The following TTC8 variants were observed in gnomAD, a reference collection of about 807,000 sequenced individuals.
TTC8 encodes the protein tetratricopeptide repeat domain 8.
A neutral mutation model predicts 72.5 loss-of-function variants in TTC8; 47 were observed. The ratio of observed to expected loss-of-function variants is 0.65; its 90% CI spans 0.51 to 0.83. The LOEUF is 0.83. Among genes scored for constraint, TTC8 ranks in the 40% least tolerant of loss-of-function variants. TTC8 has a pLI of 0.00. For missense variants in TTC8, 611 were observed against 623.2 expected (o/e 0.98, Z 0.21); for synonymous variants, 199 against 221.4 (o/e 0.90, Z 0.90).
At position 88,849,392 on chromosome 14, in the gene TTC8, T is replaced by C. The variant is rs555285544; in HGVS notation, c.625-3579T>C. The stretch of plus-strand genomic sequence containing the variant: ...ATATCTTACATATATTTTGTAACTT[T>C]AGCTGGAAAAAGAAAACAGGAATTC... On this transcript the variant is annotated intron_variant, in intron 7 of 14. Transcript: ENST00000380656. Among the ~76,000 whole-genome samples, 12 of 152,306 alleles carry C rather than the reference T, an allele frequency of 7.9e-5. No homozygotes were observed. In the East Asian group the frequency reaches 1.4e-3, roughly 17 times the overall value.
chr14:88,869,465 T>G (rs1363785299), intron 10 of TTC8, among the ~76,000 whole-genome samples: 1 of 152,140 alleles, frequency 6.6e-6, no homozygotes, highest in Non-Finnish European at 1.5e-5. Flanking sequence ...CAAATATGAT[T>G]GTTATTCCTC....
At chr14:88,857,060 T>C in intron 8 of TTC8, 130 bp from the exon 9 acceptor site, 1 of 811,856 alleles carries the variant, frequency 1.2e-6, no homozygotes, top group Middle Eastern at 3.4e-4. Context: ...CATGTTAATT[T>C]ATGTGTATGT....
intron 7 of TTC8, among the ~76,000 whole-genome samples, chr14:88,847,618 A>C (rs1001152530): frequency 1.3e-5 from 2 of 152,224 alleles, no homozygotes; most frequent in African/African-American, 4.8e-5. Flanking sequence ...TAATCAATGA[A>C]GAAGAAAAAA....
At chr14:88,878,972 C>T (rs192312067), downstream of TTC8, 3 of 152,270 alleles carry the variant, frequency 2.0e-5, no homozygotes, top group Non-Finnish European at 4.4e-5. Context: ...AGTGTGTGCT[C>T]TTAATCACTA....
Position 88,871,449 on chromosome 14 carries a change from A to AAG in TTC8, c.1050-98_1050-97dup, listed in dbSNP as rs1241095842. 2.8e-6 allele frequency: 3 copies of AAG among 1,083,084 alleles called. No homozygotes were observed. In the African/African-American group the frequency reaches 4.8e-5, roughly 17 times the overall value. 67.1% of individuals were successfully genotyped at this position (1,083,084 alleles called of 1,614,324 possible). ...ATTCTTAAGGAGTATCAAAAATCAC[A>AAG]AGATGAATTCATTTTTAACTGTGTA... On this transcript the variant is annotated intron_variant, in intron 11 of 14. Coordinates refer to ENST00000380656, the MANE Select transcript of TTC8 (RefSeq NM_144596.4). This position sits in a 1 kb window ranked among gnomAD's most constrained non-coding sequence, Gnocchi z 4.1.
downstream of TTC8, chr14:88,878,276 G>A (rs1030212191): frequency 1.3e-5 from 2 of 152,144 alleles, no homozygotes; most frequent in Non-Finnish European, 2.9e-5. Flanking sequence ...CCTTAGAAAG[G>A]CTCTTGAACT....
intron 2 of TTC8, 95 bp downstream of exon 2, chr14:88,833,817 T>G: frequency 9.1e-7 from 1 of 1,099,976 alleles, no homozygotes; most frequent in Non-Finnish European, 1.4e-6. Context: ...CTGCATATCT[T>G]CCTGTGGGTT....
At chr14:88,830,730 G>A (rs1002567940) in intron 1 of TTC8, 2 of 408,842 alleles carry the variant, frequency 4.9e-6, no homozygotes, top group Non-Finnish European at 9.7e-6. Flanking sequence ...GAAATAGTTT[G>A]CTAGACTAAG....
chr14:88,856,850 C>A (rs1371784926), intron 8 of TTC8, among the ~76,000 whole-genome samples: 3 of 152,134 alleles, frequency 2.0e-5, no homozygotes, highest in South Asian at 2.1e-4. Context: ...AGACTCTAAG[C>A]ATTTATTCAG....
At chr14:88,866,170 C>A (rs1454995303) in intron 10 of TTC8, among the ~76,000 whole-genome samples, 1 of 151,966 alleles carries the variant, frequency 6.6e-6, no homozygotes, top group African/African-American at 2.4e-5. Context: ...GTCAAAAAGC[C>A]ATAATAGCAA....
At chr14:88,863,829 T>C (rs370035520) in intron 10 of TTC8, among the ~76,000 whole-genome samples, 63 of 152,366 alleles carry the variant, frequency 4.1e-4, no homozygotes, top group Non-Finnish European at 7.1e-4. Context: ...TTTAAAACTT[T>C]TTTTGATACT....
chr14:88,877,446 C>A lies in TTC8; in HGVS notation c.*36C>A, dbSNP rs554201439. The A allele has an allele frequency of 1.3e-6, 2 of 1,547,036 alleles. No individual in the cohort carries two copies. The highest frequency in any genetic ancestry group is 1.7e-5 in the Admixed American group (1 of 59,904). On this transcript the variant is annotated 3_prime_UTR_variant, in exon 15 of 15. Transcript: ENST00000380656. Reference sequence around the variant, plus strand: ...GACCACATATGTTCTTATGAAGCAGCATTATGCAAGGGGAAAAAAGCACTA... The same window carrying A: ...GACCACATATGTTCTTATGAAGCAGAATTATGCAAGGGGAAAAAAGCACTA...
At position 88,870,211 on chromosome 14, in the gene TTC8, T is replaced by C; in HGVS notation, c.1049+13T>C. ...TCCGGTTTTACAGGTGCACTTCACA[T>C]CCAATTCTTAGAACCACTTTCCTGT... On this transcript the variant is annotated intron_variant, in intron 11 of 14. Transcript: ENST00000380656. The C allele has an allele frequency of 6.2e-7, 1 of 1,613,748 alleles. No homozygotes were observed. The highest frequency in any genetic ancestry group is 8.5e-7 in the Non-Finnish European group (1 of 1,179,692).
chr14:88,825,985 T>A (rs1287665), intron 1 of TTC8, among the ~76,000 whole-genome samples: 31,916 of 151,574 alleles, frequency 0.21, 3,519 homozygotes, highest in Admixed American at 0.31. Flanking sequence ...TTTTTTATTT[T>A]TTTTTATTTT....
At chr14:88,843,743 CT>C in intron 6 of TTC8, 62 bp from the exon 7 acceptor site, 1 of 1,282,094 alleles carries the variant, frequency 7.8e-7, no homozygotes, top group Admixed American at 2.0e-5. Flanking sequence ...CTTTAGAGTA[CT>C]TTTGTTAACA....
chr14:88,855,999 G>T (rs961842174), intron 8 of TTC8, among the ~76,000 whole-genome samples: 3 of 152,224 alleles, frequency 2.0e-5, no homozygotes, highest in Admixed American at 6.5e-5. Context: ...ACAGAGGATT[G>T]CTTGAGCCCC....
At chr14:88,873,388 A>C (rs890438509) in intron 13 of TTC8, among the ~76,000 whole-genome samples, 2 of 152,166 alleles carry the variant, frequency 1.3e-5, no homozygotes, top group African/African-American at 4.8e-5. Context: ...AGTCTAAAAG[A>C]GCCCTTGGGT....
intron 8 of TTC8, 31 bp downstream of exon 8, chr14:88,853,087 A>T (rs776683486): frequency 6.5e-7 from 1 of 1,539,060 alleles, no homozygotes; most frequent in South Asian, 1.1e-5. Context: ...AGGGCTTAGA[A>T]GTGGCCACGT....
intron 7 of TTC8, among the ~76,000 whole-genome samples, chr14:88,845,975 G>A (rs969916060): frequency 6.6e-6 from 1 of 151,958 alleles, no homozygotes; most frequent in African/African-American, 2.4e-5. Context: ...TGACGTGGGG[G>A]AGGATGCTAT....
Sources: allele counts gnomAD v4.1 joint callset (sites outside exome capture counted in the v4.1 genomes callset), GRCh38; gene constraint gnomAD v4.1.1; non-coding constraint Gnocchi (gnomAD v3.1); transcripts MANE v1.5; gene names NCBI Gene and HGNC (gene_info 2026-07-23, HGNC 2026-07-21).